Variants in GTF2F1 observed in about 807,000 individuals in gnomAD.
GTF2F1 encodes general transcription factor IIF 74 kDa subunit.
Under a neutral mutation model 63.5 loss-of-function variants are expected in GTF2F1, and 39 were observed. The ratio of observed to expected loss-of-function variants is 0.61; its 90% confidence interval spans 0.48 to 0.80. The LOEUF is 0.80. Among genes scored for constraint, GTF2F1 ranks in the 30% least tolerant of loss-of-function variants. The pLI is 0.00. For synonymous variants in GTF2F1, 287 were observed against 285.3 expected (o/e 1.01, Z -0.06); for missense variants, 657 against 718.3 (o/e 0.91, Z 0.97).
At chr19:6,392,129 T>C in intron 2 of GTF2F1, 155 bp from the exon 3 acceptor site, 1 of 676,344 alleles carries the variant, frequency 1.5e-6, no homozygotes, top group South Asian at 1.5e-5. Context: ...TCAATTCAAT[T>C]GAACCATTAA....
chr19:6,386,952 C>A, intron 5 of GTF2F1: 1 of 172,232 alleles, frequency 5.8e-6, no homozygotes, highest in Non-Finnish European at 1.2e-5. Context: ...CCCCTGCCCA[C>A]AGTCACTCTG....
At chr19:6,392,024 ATTAAT>A (rs1350778667) in intron 2 of GTF2F1, 50 bp from the exon 3 acceptor site, 1 of 917,734 alleles carries the variant, frequency 1.1e-6, no homozygotes, top group South Asian at 1.4e-5. Context: ...CAATTCAATC[ATTAAT>A]TTAATCAGTC....
rs755785989 is a variant in GTF2F1 at position 6,381,641 on chromosome 19, G to A, written c.837-26C>T. Reference sequence around the variant, plus strand: ...CTGTAAGACGGGGATGGCAAAGGATGAGCGCGCGCTCGCGAGGCTGCATGG... The same window carrying A: ...CTGTAAGACGGGGATGGCAAAGGATAAGCGCGCGCTCGCGAGGCTGCATGG... On this transcript the variant is annotated intron_variant, in intron 7 of 12. Transcript: ENST00000394456. This position sits in a 1 kb window ranked among gnomAD's most constrained non-coding sequence, Gnocchi z 4.1. 20 of 1,613,886 alleles carry A rather than the reference G, an allele frequency of 1.2e-5. No homozygotes were observed. Among genetic ancestry groups the A allele is most frequent in the Admixed American group, 1.7e-5 (1 of 60,004 alleles).
rs188838799 is a variant in GTF2F1 at position 6,387,851 on chromosome 19, A to G, written c.327-292T>C. On this transcript the variant is annotated intron_variant, in intron 4 of 12. Coordinates refer to ENST00000394456, the MANE Select transcript of GTF2F1 (RefSeq NM_002096.3). ...CCAACCCTGCAGTCAAACTGTCTAC[A>G]TTTGCCTCCAGCTCTGCTATCTGTG... Among the ~76,000 whole-genome samples the G allele has an allele frequency of 3.1e-3, 471 of 150,570 alleles. 12 individuals carry two copies. Among genetic ancestry groups the G allele is most frequent in the African/African-American group, 0.011 (450 of 41,370 alleles).
At chr19:6,389,667 G>T in intron 3 of GTF2F1, 30 bp from the exon 4 acceptor site, 1 of 1,601,670 alleles carries the variant, frequency 6.2e-7, no homozygotes, top group Non-Finnish European at 8.5e-7. Flanking sequence ...AGCCTCTCAG[G>T]GTCCCTGGCT....
At position 6,383,588 on chromosome 19, in the gene GTF2F1, G is replaced by T. The variant is rs2091963312; in HGVS notation, c.498-93C>A. The T allele has an allele frequency of 7.4e-7, 1 of 1,345,598 alleles. No homozygotes were observed. The highest frequency in any genetic ancestry group is 1.0e-6 in the Non-Finnish European group (1 of 964,866). The allele number at this position is 1,345,598 out of a possible 1,614,324, so 83.4% of individuals were successfully genotyped here. The stretch of plus-strand genomic sequence containing the variant: ...CGAGCCCCAGGGCACCACCCACATA[G>T]CCTTCAAGGTGATGTGGCCCCCGGG... On this transcript the variant is annotated intron_variant, in intron 5 of 12. Coordinates refer to ENST00000394456, the MANE Select transcript of GTF2F1 (RefSeq NM_002096.3). This position sits in a 1 kb window ranked among gnomAD's most constrained non-coding sequence, Gnocchi z 4.5.
chr19:6,390,001 C>G (rs2091990263), intron 3 of GTF2F1, among the ~76,000 whole-genome samples: 1 of 152,174 alleles, frequency 6.6e-6, no homozygotes, highest in South Asian at 2.1e-4. Flanking sequence ...TTCCAGGATT[C>G]TTTTCAAAAA....
rs1348635196 is a variant in GTF2F1 at position 6,387,423 on chromosome 19, G to C, written c.463C>G (p.Leu155Val). The C allele has an allele frequency of 1.9e-6, 3 of 1,614,256 alleles. No homozygotes were observed. In the South Asian group the frequency reaches 3.3e-5, roughly 18 times the overall value. The change falls in exon 5 of 13, where the codon CTC (leucine) becomes GTC (valine). Residue 155 changes from leucine (L) to valine (V), a missense_variant. Physicochemically the swap from Leu to Val is conservative, Grantham distance 32. This residue lies in a region of GTF2F1 where 602 missense variants were observed against 625.6 expected (regional missense o/e 0.96). Coordinates refer to ENST00000394456, the MANE Select transcript of GTF2F1 (RefSeq NM_002096.3). ...NFTPLARHRT[L>V]TAEEAEEEWE... ...TCCTCCTCGGCCTCCTCGGCAGTGA[G>C]CGTGCGATGCCGGGCCAGCGGTGTG...
intron 4 of GTF2F1, among the ~76,000 whole-genome samples, chr19:6,388,057 G>A (rs1367893246): frequency 7.0e-6 from 1 of 143,836 alleles, no homozygotes; most frequent in Non-Finnish European, 1.6e-5. Flanking sequence ...AGCCTCCCGA[G>A]TAGCTGGGAT....
Position 6,380,117 on chromosome 19 carries a change from C to T in GTF2F1, c.*164G>A, listed in dbSNP as rs2091940602. 1.1e-5 allele frequency: 8 copies of T among 695,902 alleles called. No individual in the cohort carries two copies. Among genetic ancestry groups the T allele is most frequent in the South Asian group, 1.0e-4 (6 of 59,844 alleles). 43.1% of individuals were successfully genotyped at this position (695,902 alleles called of 1,614,324 possible). On this transcript the variant is annotated 3_prime_UTR_variant, in exon 13 of 13. Coordinates refer to ENST00000394456, the MANE Select transcript of GTF2F1 (RefSeq NM_002096.3). The surrounding 1 kb of genome is among the most constrained non-coding windows in gnomAD (Gnocchi z 5.3). Reference sequence around the variant, plus strand: ...TTAACTTTTCCAGAATTGCTAACTACGGGGCCCTGGGAGTCAGGGAGCAAG... The same window carrying T: ...TTAACTTTTCCAGAATTGCTAACTATGGGGCCCTGGGAGTCAGGGAGCAAG...
Position 6,381,604 on chromosome 19 carries a change from T to G in GTF2F1, c.848A>C (p.Glu283Ala). 2 of 1,613,894 alleles carry G rather than the reference T, an allele frequency of 1.2e-6. No individual in the cohort carries two copies. Among genetic ancestry groups the G allele is most frequent in the Non-Finnish European group, 1.7e-6 (2 of 1,180,018 alleles). ...CGCCTTGGCCTTGCTCTCAGGCTCT[T>G]CTTGGGAGCTACTGTAAGACGGGGA... ...YMSDGSSSSQ[E>A]EPESKAKAPQ... Residue 283 changes from glutamate (E) to alanine (A), a missense_variant, in exon 8 of 13, where the codon GAA becomes GCA. Physicochemically the swap from Glu to Ala is moderately radical, Grantham distance 107. Around this residue, in one of 2 missense-constraint regions of GTF2F1, gnomAD observed 602 missense variants for 625.6 expected, o/e 0.96. Transcript: ENST00000394456. The surrounding 1 kb of genome is among the most constrained non-coding windows in gnomAD (Gnocchi z 4.1).
Position 6,381,929 on chromosome 19 carries a change from G to T in GTF2F1, c.683-79C>A. 1 of 1,299,528 alleles carries T rather than the reference G, an allele frequency of 7.7e-7. No homozygotes were observed. The highest frequency in any genetic ancestry group is 1.1e-6 in the Non-Finnish European group (1 of 929,516). 80.5% of individuals were successfully genotyped at this position (1,299,528 alleles called of 1,614,324 possible). On this transcript the variant is annotated intron_variant, in intron 6 of 12. Transcript: ENST00000394456. The surrounding 1 kb of genome is among the most constrained non-coding windows in gnomAD (Gnocchi z 4.1). ...GTATTTATTGTGTTTTTCACATTTT[G>T]TGCAGTTTTGACATCCTGGGGGGCC...
chr19:6,381,928 T>C lies in GTF2F1; in HGVS notation c.683-78A>G. 2 of 1,300,530 alleles carry C rather than the reference T, an allele frequency of 1.5e-6. No individual in the cohort carries two copies. The highest frequency in any genetic ancestry group is 2.1e-6 in the Non-Finnish European group (2 of 930,406). The allele number at this position is 1,300,530 out of a possible 1,614,324, so 80.6% of individuals were successfully genotyped here. A position where few individuals can be genotyped will look rare whatever the true frequency, so the allele number is the denominator to read the frequency against. On this transcript the variant is annotated intron_variant, in intron 6 of 12. Coordinates refer to ENST00000394456, the MANE Select transcript of GTF2F1 (RefSeq NM_002096.3). The surrounding 1 kb of genome is among the most constrained non-coding windows in gnomAD (Gnocchi z 4.1). ...GGTATTTATTGTGTTTTTCACATTTTGTGCAGTTTTGACATCCTGGGGGGC... is the reference window on the plus strand; with the variant it reads ...GGTATTTATTGTGTTTTTCACATTTCGTGCAGTTTTGACATCCTGGGGGGC...
rs1317483639 is a variant in GTF2F1, at chr19:6,383,937, C to T, written c.498-442G>A. Among the ~76,000 whole-genome samples, 5 of 151,698 alleles carry T rather than the reference C, an allele frequency of 3.3e-5. No homozygotes were observed. The highest frequency in any genetic ancestry group is 4.8e-5 in the African/African-American group (2 of 41,352). On this transcript the variant is annotated intron_variant, in intron 5 of 12. Coordinates refer to ENST00000394456, the MANE Select transcript of GTF2F1 (RefSeq NM_002096.3). This position sits in a 1 kb window ranked among gnomAD's most constrained non-coding sequence, Gnocchi z 4.5. ...TCAGCCTCCCAGATAGCCGGGGTTC[C>T]AGGCGCCTGCCACCACGCCCAGCTA...
At chr19:6,391,597 C>T (rs992133634) in intron 3 of GTF2F1, among the ~76,000 whole-genome samples, 11 of 151,946 alleles carry the variant, frequency 7.2e-5, no homozygotes, top group South Asian at 2.1e-4. Flanking sequence ...TACAGACCCA[C>T]GCTATCAGCC....
intron 2 of GTF2F1, 90 bp downstream of exon 2, chr19:6,392,767 G>T: frequency 7.6e-7 from 1 of 1,318,864 alleles, no homozygotes; most frequent in Non-Finnish European, 1.1e-6. Context: ...GAGAACCACA[G>T]ACAGGGCCAG....
chr19:6,391,811 T>C (rs2091999196), intron 3 of GTF2F1, 91 bp downstream of exon 3: 1 of 665,608 alleles, frequency 1.5e-6, no homozygotes, highest in South Asian at 1.8e-5. Context: ...ACTTAGTGAC[T>C]ATGACAGTTA....
chr19:6,389,736 A>G (rs773939414), intron 3 of GTF2F1, 99 bp from the exon 4 acceptor site: 2 of 1,109,662 alleles, frequency 1.8e-6, no homozygotes, highest in East Asian at 4.8e-5. Context: ...CAAGCTCTAG[A>G]TTCTCAAAAC....
chr19:6,381,081 A>G lies in GTF2F1; in HGVS notation c.1093-39T>C, dbSNP rs763129543. 2.5e-6 allele frequency: 4 copies of G among 1,607,124 alleles called. No homozygotes were observed. Among genetic ancestry groups the G allele is most frequent in the Non-Finnish European group, 3.4e-6 (4 of 1,176,940 alleles). ...GGTTGGGAGGTGGGTGAGTCTGCAA[A>G]CAGACGCCCAGGCCTCCCCCGCCAC... On this transcript the variant is annotated intron_variant, in intron 10 of 12. Transcript: ENST00000394456. This position sits in a 1 kb window ranked among gnomAD's most constrained non-coding sequence, Gnocchi z 4.1.
Sources: allele counts gnomAD v4.1 joint callset (sites outside exome capture counted in the v4.1 genomes callset), GRCh38; gene constraint gnomAD v4.1.1; regional missense constraint gnomAD v4.1.1; non-coding constraint Gnocchi (gnomAD v3.1); transcripts MANE v1.5; gene names NCBI Gene and HGNC (gene_info 2026-07-23, HGNC 2026-07-21).